The following PTGR2 variants were observed in gnomAD, a reference collection of about 807,000 sequenced individuals.
PTGR2 encodes the protein prostaglandin reductase 2, also known as 15-oxoprostaglandin 13-reductase.
Under a neutral mutation model 43.4 loss-of-function variants are expected in PTGR2, and 32 were observed. That is an observed-to-expected ratio of 0.74 (90% CI 0.56 to 0.99). The LOEUF (loss-of-function observed/expected upper bound fraction) is 0.99. Among genes scored for constraint, PTGR2 ranks in the 50% least tolerant of loss-of-function variants. PTGR2 has a pLI of 0.00. For synonymous variants in PTGR2, 106 were observed against 139.2 expected, an observed-to-expected ratio of 0.76 and a Z score of 1.68; for missense variants, 373 against 420.0, an observed-to-expected ratio of 0.89 and a Z score of 0.98.
At chr14:73,853,590 T>C (rs2054279910) in intron 1 of PTGR2, among the ~76,000 whole-genome samples, 1 of 152,186 alleles carries the variant, frequency 6.6e-6, no homozygotes, top group Non-Finnish European at 1.5e-5. Flanking sequence ...CCCAAAGTGC[T>C]GGGATTACAG....
At chr14:73,871,798 G>A (rs1438132338) in intron 3 of PTGR2, among the ~76,000 whole-genome samples, 2 of 152,092 alleles carry the variant, frequency 1.3e-5, no homozygotes, top group Non-Finnish European at 2.9e-5. Context: ...TGAGTGAAAG[G>A]AGGAAAAAGT....
Position 73,874,205 on chromosome 14 carries a change from C to T in PTGR2, c.339C>T (p.Ser113=). 6.2e-7 allele frequency: 1 copy of T among 1,610,276 alleles called. No homozygotes were observed. The highest frequency in any genetic ancestry group is 8.5e-7 in the Non-Finnish European group (1 of 1,178,196). ...CCAAGGTTATTCTGGATGGAAATAG[C>T]CTTGAAAAGGTGATATATATATGAA... ...WQTKVILDGN[S]LEKVDPQLVD... Residue 113 remains serine, a synonymous_variant, in exon 4 of 10, where the codon AGC becomes AGT. Coordinates refer to ENST00000555661, the MANE Select transcript of PTGR2 (RefSeq NM_001146154.2).
chr14:73,883,815 T>G (rs1382995516), intron 9 of PTGR2, among the ~76,000 whole-genome samples: 7 of 152,158 alleles, frequency 4.6e-5, no homozygotes, highest in Non-Finnish European at 1.0e-4. Flanking sequence ...CATTTTTTTT[T>G]GCCTCTAGTC....
chr14:73,872,161 GTTAGC>G (rs2054750438), intron 3 of PTGR2, among the ~76,000 whole-genome samples: 1 of 152,160 alleles, frequency 6.6e-6, no homozygotes, highest in Non-Finnish European at 1.5e-5. Flanking sequence ...AAGAGAAGTT[GTTAGC>G]CTTCCTCTTG....
In PTGR2 at chr14:73,855,795, T is replaced by A. The variant is rs565779763; in HGVS notation, c.-47-3021T>A. ...TAGTGGGGCCGGGCGCGGTGGCTCATGCCTGTAATCCCAGCACTTTGGGAG... is the reference window on the plus strand; with the variant it reads ...TAGTGGGGCCGGGCGCGGTGGCTCAAGCCTGTAATCCCAGCACTTTGGGAG... On this transcript the variant is annotated intron_variant, in intron 1 of 9. Coordinates refer to ENST00000555661, the MANE Select transcript of PTGR2 (RefSeq NM_001146154.2). Among the ~76,000 whole-genome samples, 4 of 147,930 alleles carry A rather than the reference T, an allele frequency of 2.7e-5. No individual in the cohort carries two copies. In the South Asian group the frequency reaches 9.3e-4, roughly 35 times the overall value.
chr14:73,874,379 G>A (rs1194177072), intron 4 of PTGR2, among the ~76,000 whole-genome samples, 165 bp downstream of exon 4: 1 of 152,196 alleles, frequency 6.6e-6, no homozygotes, highest in Non-Finnish European at 1.5e-5. Context: ...ACTGTTAGCT[G>A]TGTAGGGAAG....
chr14:73,869,716 T>C (rs1046289846), intron 3 of PTGR2, among the ~76,000 whole-genome samples: 1 of 151,966 alleles, frequency 6.6e-6, no homozygotes, highest in South Asian at 2.1e-4. Context: ...ACATTCTCTA[T>C]GCCTCATTCC....
chr14:73,872,079 C>G (rs1029715), intron 3 of PTGR2, among the ~76,000 whole-genome samples: 74,412 of 151,950 alleles, frequency 0.49, 18,444 homozygotes, highest in South Asian at 0.61. Context: ...TCCGTGCTGT[C>G]GTCCTCTACA....
intron 9 of PTGR2, among the ~76,000 whole-genome samples, chr14:73,883,132 C>G (rs939227334): frequency 7.3e-6 from 1 of 137,356 alleles, no homozygotes; most frequent in Non-Finnish European, 1.6e-5. Context: ...AGTCTTTTAT[C>G]TTTTAATGCT....
chr14:73,885,427 C>T lies in PTGR2; in HGVS notation c.*1250C>T, dbSNP rs1213229922. 1 of 152,178 alleles carries T rather than the reference C, an allele frequency of 6.6e-6. No individual in the cohort carries two copies. The highest frequency in any genetic ancestry group is 1.5e-5 in the Non-Finnish European group (1 of 68,036). 9.4% of individuals were successfully genotyped at this position (152,178 alleles called of 1,614,324 possible). ...GTTTGTTTTATTAATTGTACTCAAC[C>T]CTCGCAGAACAGTAAAACTGAAGAT... On this transcript the variant is annotated 3_prime_UTR_variant, in exon 10 of 10. Coordinates refer to ENST00000555661, the MANE Select transcript of PTGR2 (RefSeq NM_001146154.2).
At chr14:73,852,824 G>C (rs532381590) in intron 1 of PTGR2, among the ~76,000 whole-genome samples, 2 of 151,774 alleles carry the variant, frequency 1.3e-5, no homozygotes, top group African/African-American at 2.4e-5. Flanking sequence ...AAAGACACGT[G>C]GTTTGTTTGT....
intron 3 of PTGR2, among the ~76,000 whole-genome samples, chr14:73,870,032 G>GAA (rs779998739): frequency 3.5e-5 from 5 of 143,462 alleles, no homozygotes; most frequent in African/African-American, 7.7e-5. Context: ...GTCTCAGAGA[G>GAA]AAAAAAAAAA....
intron 3 of PTGR2, among the ~76,000 whole-genome samples, chr14:73,866,407 G>A (rs1221279327): frequency 6.6e-6 from 1 of 152,112 alleles, no homozygotes; most frequent in East Asian, 1.9e-4. Context: ...AAAGTGCTGG[G>A]ATTACAGGTG....
At chr14:73,863,863 G>T (rs556681956) in intron 3 of PTGR2, among the ~76,000 whole-genome samples, 1 of 152,056 alleles carries the variant, frequency 6.6e-6, no homozygotes, top group South Asian at 2.1e-4. Flanking sequence ...TGATCCACCC[G>T]CATCAGCCTC....
chr14:73,870,026 C>CAG (rs1328274631), intron 3 of PTGR2, among the ~76,000 whole-genome samples: 1 of 147,034 alleles, frequency 6.8e-6, no homozygotes, highest in Non-Finnish European at 1.5e-5. Context: ...GACTCCGTCT[C>CAG]AGAGAGAAAA....
chr14:73,882,008 C>T (rs1246645647), intron 8 of PTGR2, among the ~76,000 whole-genome samples: 1 of 151,884 alleles, frequency 6.6e-6, no homozygotes, highest in Non-Finnish European at 1.5e-5. Flanking sequence ...GTCTCAAACT[C>T]CTGACCTCAA....
chr14:73,859,671 C>G (rs1312286131), intron 2 of PTGR2, among the ~76,000 whole-genome samples: 2 of 151,224 alleles, frequency 1.3e-5, no homozygotes, highest in East Asian at 1.9e-4. Flanking sequence ...TCCACTTTTT[C>G]AGACTTTATT....
At chr14:73,871,239 C>T (rs934157627) in intron 3 of PTGR2, among the ~76,000 whole-genome samples, 1 of 151,720 alleles carries the variant, frequency 6.6e-6, no homozygotes, top group African/African-American at 2.4e-5. Context: ...TAGCTGAACA[C>T]ATGGTGATTC....
chr14:73,880,223 A>G, intron 7 of PTGR2, 47 bp downstream of exon 7: 1 of 1,597,646 alleles, frequency 6.3e-7, no homozygotes, highest in Non-Finnish European at 8.6e-7. Flanking sequence ...TGGGGTTTTA[A>G]ATATCATAGA....
Sources: allele counts gnomAD v4.1 joint callset (sites outside exome capture counted in the v4.1 genomes callset), GRCh38; gene constraint gnomAD v4.1.1; transcripts MANE v1.5; gene names NCBI Gene and HGNC (gene_info 2026-07-23, HGNC 2026-07-21).